Variants in SLC4A10 observed in about 807,000 individuals in gnomAD.
SLC4A10 encodes the protein sodium-driven chloride bicarbonate exchanger.
A neutral mutation model predicts 137.7 loss-of-function variants in SLC4A10; 42 were observed. The ratio of observed to expected loss-of-function variants is 0.30; its 90% confidence interval spans 0.24 to 0.39. The LOEUF is 0.39. Ranked by LOEUF, SLC4A10 falls within the 10% of genes least tolerant of loss-of-function variation. The pLI is 1.00. For missense variants in SLC4A10, 925 were observed against 1,355.0 expected, an observed-to-expected ratio of 0.68 and a Z score of 4.98; for synonymous variants, 474 against 464.1, an observed-to-expected ratio of 1.02 and a Z score of -0.27.
rs1427486987 is a variant in SLC4A10 at position 161,985,151 on chromosome 2, A to G, written c.*1999A>G. 1 of 152,052 alleles carries G rather than the reference A, an allele frequency of 6.6e-6. No individual in the cohort carries two copies. Among genetic ancestry groups the G allele is most frequent in the African/African-American group, 2.4e-5 (1 of 41,440 alleles). The allele number at this position is 152,052 out of a possible 1,614,324, so 9.4% of individuals were successfully genotyped here. ...CTGGTCAAAATTACTAAATATCTTG[A>G]ATGTAATTTAGTGCCAAGTTTAAAT... On this transcript the variant is annotated 3_prime_UTR_variant, in exon 27 of 27. Coordinates refer to ENST00000446997, the MANE Select transcript of SLC4A10 (RefSeq NM_001178015.2).
At chr2:161,919,603 G>A (rs1009062875) in intron 15 of SLC4A10, among the ~76,000 whole-genome samples, 1 of 152,082 alleles carries the variant, frequency 6.6e-6, no homozygotes, top group Non-Finnish European at 1.5e-5. Context: ...CCTGTGGGTA[G>A]GAGCTACCCA....
At chr2:161,873,889 G>A in intron 7 of SLC4A10, 27 bp from the exon 8 acceptor site, 3 of 1,580,312 alleles carry the variant, frequency 1.9e-6, no homozygotes, top group Non-Finnish European at 1.7e-6. Flanking sequence ...TGGTGTACCA[G>A]CTTAAGTCTG....
chr2:161,637,124 TATACATAA>T (rs890079905), intron 1 of SLC4A10, among the ~76,000 whole-genome samples: 1 of 147,440 alleles, frequency 6.8e-6, no homozygotes, highest in Admixed American at 6.8e-5. Flanking sequence ...TATATATCTA[TATACATAA>T]ATACGTATTT....
chr2:161,638,343 T>A (rs1298488297), intron 1 of SLC4A10, among the ~76,000 whole-genome samples: 1 of 152,178 alleles, frequency 6.6e-6, no homozygotes, highest in Non-Finnish European at 1.5e-5. Flanking sequence ...TTCATTCTTA[T>A]GCATGTGGAC....
chr2:161,891,666 C>G (rs1485946326), intron 10 of SLC4A10, among the ~76,000 whole-genome samples: 2 of 151,982 alleles, frequency 1.3e-5, no homozygotes, highest in African/African-American at 4.8e-5. Context: ...ATATTCTTCT[C>G]TAGCTGGTTA....
At chr2:161,900,031 A>G (rs1682692231) in intron 11 of SLC4A10, among the ~76,000 whole-genome samples, 1 of 152,088 alleles carries the variant, frequency 6.6e-6, no homozygotes, top group African/African-American at 2.4e-5. Context: ...CTATTTTGGA[A>G]TGGTGGTCAA....
intron 12 of SLC4A10, among the ~76,000 whole-genome samples, chr2:161,901,561 T>A (rs954127989): frequency 7.9e-5 from 12 of 152,166 alleles, no homozygotes; most frequent in Non-Finnish European, 1.3e-4. Flanking sequence ...CTAAGCAATG[T>A]GTGAGCAGAA....
chr2:161,971,091 G>A (rs946889192), intron 23 of SLC4A10, among the ~76,000 whole-genome samples: 1 of 152,180 alleles, frequency 6.6e-6, no homozygotes, highest in Admixed American at 6.5e-5. Context: ...CAAGTTTATA[G>A]CTTTCTTTTC....
intron 3 of SLC4A10, among the ~76,000 whole-genome samples, chr2:161,811,746 C>T (rs556219667): frequency 2.6e-5 from 4 of 151,952 alleles, no homozygotes; most frequent in African/African-American, 9.7e-5. Context: ...ATAGCTGAAA[C>T]CTTTCTTCCT....
chr2:161,696,528 T>G (rs2042530593), intron 1 of SLC4A10, among the ~76,000 whole-genome samples: 1 of 143,468 alleles, frequency 7.0e-6, no homozygotes, highest in Non-Finnish European at 1.5e-5. Context: ...ATTGTTCAAT[T>G]CCCACCTATG....
At chr2:161,905,006 G>A in intron 14 of SLC4A10, 97 bp downstream of exon 14, 9 of 1,219,290 alleles carry the variant, frequency 7.4e-6, no homozygotes, top group South Asian at 1.9e-5. Flanking sequence ...TGTTGATAGA[G>A]ACAGAATTGC....
intron 1 of SLC4A10, among the ~76,000 whole-genome samples, chr2:161,717,471 A>ACCTAGTT (rs2045059164): frequency 6.6e-6 from 1 of 152,026 alleles, no homozygotes; most frequent in South Asian, 2.1e-4. Flanking sequence ...GTTCCTTCAA[A>ACCTAGTT]CCTAGTTTAT....
chr2:161,938,364 G>C (rs1183399983), intron 15 of SLC4A10, among the ~76,000 whole-genome samples: 2 of 152,138 alleles, frequency 1.3e-5, no homozygotes, highest in African/African-American at 4.8e-5. Flanking sequence ...TATTGCCTGG[G>C]ATCAGTTCTG....
intron 11 of SLC4A10, among the ~76,000 whole-genome samples, chr2:161,898,838 A>G (rs2063786191): frequency 6.6e-6 from 1 of 152,096 alleles, no homozygotes; most frequent in Non-Finnish European, 1.5e-5. Flanking sequence ...AACTGGTCTC[A>G]CATAAATTCA....
intron 1 of SLC4A10, among the ~76,000 whole-genome samples, chr2:161,625,066 CGTGTGTGTGTGTGTGT>C (rs5835872): frequency 5.6e-4 from 81 of 144,304 alleles, no homozygotes; most frequent in African/African-American, 1.0e-3. Context: ...ACAGAAGGAT[CGTGTGTGTGTGTGTGT>C]GTGTGTGTGT....
chr2:161,729,719 A>C (rs970873842), intron 1 of SLC4A10, among the ~76,000 whole-genome samples: 2 of 152,224 alleles, frequency 1.3e-5, no homozygotes, highest in Admixed American at 6.5e-5. Context: ...AAAAGTTAGC[A>C]AACTAGAATT....
intron 16 of SLC4A10, among the ~76,000 whole-genome samples, chr2:161,943,138 C>T (rs1412850967): frequency 1.3e-5 from 2 of 151,952 alleles, no homozygotes; most frequent in Non-Finnish European, 2.9e-5. Flanking sequence ...AATATGTGAC[C>T]GAGATGGACT....
intron 1 of SLC4A10, among the ~76,000 whole-genome samples, chr2:161,660,374 A>T (rs185555449): frequency 2.0e-5 from 3 of 152,348 alleles, no homozygotes; most frequent in Middle Eastern, 3.4e-3. Flanking sequence ...CTGCTAAGGC[A>T]TGAGTATCCA....
intron 1 of SLC4A10, among the ~76,000 whole-genome samples, chr2:161,758,843 T>C (rs994967275): frequency 1.1e-4 from 16 of 152,002 alleles, no homozygotes; most frequent in African/African-American, 3.9e-4. Flanking sequence ...AGGATACTGA[T>C]ATTTGGGAGC....
Sources: gnomAD v4.1 joint callset for allele counts (sites outside exome capture counted in the v4.1 genomes callset) on GRCh38, gnomAD v4.1.1 for gene constraint, MANE v1.5 for transcripts, NCBI Gene and HGNC (gene_info 2026-07-23, HGNC 2026-07-21) for gene names.